SNX18: variants seen among roughly 807,000 people sequenced by gnomAD.
SNX18 encodes sorting nexin 18, also known as sorting nexin-18.
In SNX18, 35 loss-of-function variants were observed where a neutral mutation model predicts 48.7. The ratio of observed to expected loss-of-function variants is 0.72; its 90% confidence interval spans 0.55 to 0.95. SNX18 has a LOEUF of 0.95. Ranked by LOEUF, SNX18 falls within the 40% of genes least tolerant of loss-of-function variation. The pLI, the probability that SNX18 is intolerant of heterozygous loss-of-function variation, is 0.00. For missense variants in SNX18, 824 were observed against 871.0 expected, an observed-to-expected ratio of 0.95 and a Z score of 0.68; for synonymous variants, 492 against 384.7, an observed-to-expected ratio of 1.28 and a Z score of -3.26.
chr5:54,615,497 G>C, the SNX18 span, among the ~76,000 whole-genome samples: 1 of 152,212 alleles, frequency 6.6e-6, no homozygotes, highest in Non-Finnish European at 1.5e-5. Context: ...TTCCCAGTCT[G>C]ATAGACAGAC....
At chr5:54,632,880 T>C in the SNX18 span, among the ~76,000 whole-genome samples, 83 of 152,222 alleles carry the variant, frequency 5.5e-4, no homozygotes, top group African/African-American at 2.0e-3. Flanking sequence ...GTTCAAGTGA[T>C]TCTCCTGCCT....
At position 54,544,317 on chromosome 5, in the gene SNX18, T is replaced by C. The variant is rs1412988305; in HGVS notation, c.*885T>C. The C allele has an allele frequency of 3.3e-5, 5 of 152,122 alleles. No individual in the cohort carries two copies. The highest frequency in any genetic ancestry group is 1.2e-4 in the African/African-American group (5 of 41,422). The allele number at this position is 152,122 out of a possible 1,614,324, so 9.4% of individuals were successfully genotyped here. ...GTCAGGGGATAAAAGTATCGAATCATTGACAACACACACTTGGCTTTAGTT... is the reference window on the plus strand; with the variant it reads ...GTCAGGGGATAAAAGTATCGAATCACTGACAACACACACTTGGCTTTAGTT... On this transcript the variant is annotated 3_prime_UTR_variant, in exon 2 of 2. Transcript: ENST00000381410.
At chr5:54,590,841 C>T in the SNX18 span, among the ~76,000 whole-genome samples, 2 of 152,126 alleles carry the variant, frequency 1.3e-5, no homozygotes, top group Admixed American at 1.3e-4. Flanking sequence ...TCCTGAGCTC[C>T]ATGAGGGCAG....
the SNX18 span, among the ~76,000 whole-genome samples, chr5:54,585,821 G>A: frequency 6.6e-6 from 1 of 151,932 alleles, no homozygotes; most frequent in Non-Finnish European, 1.5e-5. Context: ...GGCTAACATG[G>A]TGAAACCCCG....
intron 1 of SNX18, among the ~76,000 whole-genome samples, chr5:54,525,245 T>C (rs1762109838): frequency 6.6e-6 from 1 of 152,122 alleles, no homozygotes; most frequent in African/African-American, 2.4e-5. Context: ...TGGGTGAATT[T>C]AAAAGGAGAT....
chr5:54,616,701 C>T, the SNX18 span, among the ~76,000 whole-genome samples: 2 of 151,588 alleles, frequency 1.3e-5, no homozygotes, highest in Admixed American at 6.6e-5. Context: ...TCCAGGAGGC[C>T]GATATGGCAG....
the SNX18 span, among the ~76,000 whole-genome samples, chr5:54,617,885 G>A: frequency 1.3e-5 from 2 of 152,126 alleles, no homozygotes; most frequent in Non-Finnish European, 2.9e-5. Context: ...TCTGTTAATA[G>A]TCCTATCTTT....
At chr5:54,589,849 CAG>C in the SNX18 span, among the ~76,000 whole-genome samples, 4 of 152,338 alleles carry the variant, frequency 2.6e-5, no homozygotes, top group South Asian at 6.2e-4. Flanking sequence ...TTGTTTGAGA[CAG>C]AGTCTTGCTC....
chr5:54,641,494 G>A, the SNX18 span, among the ~76,000 whole-genome samples: 1 of 152,084 alleles, frequency 6.6e-6, no homozygotes, highest in Non-Finnish European at 1.5e-5. Flanking sequence ...ATTCTGCCAG[G>A]AGTGGTGGAG....
chr5:54,586,219 T>TA, the SNX18 span, among the ~76,000 whole-genome samples: 1 of 152,178 alleles, frequency 6.6e-6, no homozygotes, highest in Non-Finnish European at 1.5e-5. Flanking sequence ...TGTTTTCCTT[T>TA]ACCTTGGACT....
chr5:54,518,207 C>T lies in SNX18; in HGVS notation c.255C>T (p.Gly85=). 7.1e-7 allele frequency: 1 copy of T among 1,399,456 alleles called. No homozygotes were observed. Among genetic ancestry groups the T allele is most frequent in the Non-Finnish European group, 9.2e-7 (1 of 1,086,530 alleles). 86.7% of individuals were successfully genotyped at this position (1,399,456 alleles called of 1,614,324 possible). ...PARYANVPPG[G]FEPLPVAPPA... is the part of the protein sequence containing the mutation. ...GCTACGCCAATGTGCCCCCCGGGGG[C>T]TTCGAGCCCCTGCCTGTCGCGCCCC... Residue 85 remains glycine (G), a synonymous_variant, in exon 1 of 2, where the codon GGC becomes GGT. Coordinates refer to ENST00000381410, the MANE Select transcript of SNX18 (RefSeq NM_001102575.2).
At chr5:54,600,619 A>C in the SNX18 span, among the ~76,000 whole-genome samples, 5 of 152,254 alleles carry the variant, frequency 3.3e-5, no homozygotes, top group East Asian at 9.6e-4. Flanking sequence ...AAAATGTGGT[A>C]TAAATATACC....
chr5:54,583,180 T>G, the SNX18 span, among the ~76,000 whole-genome samples: 1 of 152,198 alleles, frequency 6.6e-6, no homozygotes, highest in Non-Finnish European at 1.5e-5. Flanking sequence ...TTAAGCTATG[T>G]TTCTCAGGCT....
the SNX18 span, among the ~76,000 whole-genome samples, chr5:54,585,544 C>T: frequency 6.6e-6 from 1 of 151,944 alleles, no homozygotes; most frequent in Admixed American, 6.6e-5. Context: ...ATGGGACTTC[C>T]CCTGAGTTAG....
rs773723805 is a variant in SNX18 at position 54,543,209 on chromosome 5, G to A, written c.1652G>A (p.Arg551Gln). Residue 551 changes from arginine (R) to glutamine (Q), a missense_variant, in exon 2 of 2, where the codon CGA becomes CAA. Coordinates refer to ENST00000381410, the MANE Select transcript of SNX18 (RefSeq NM_001102575.2). ...GALTKVKESR[R>Q]HVEEGKMEVQ... ...CTTACCAAAGTCAAGGAGAGTAGGC[G>A]ACACGTGGAGGAAGGGAAGATGGAG... The A allele has an allele frequency of 2.5e-6, 4 of 1,613,964 alleles. No individual in the cohort carries two copies. Among genetic ancestry groups the A allele is most frequent in the African/African-American group, 1.3e-5 (1 of 74,978 alleles).
chr5:54,599,224 A>G, the SNX18 span, among the ~76,000 whole-genome samples: 8 of 152,298 alleles, frequency 5.3e-5, no homozygotes, highest in East Asian at 1.5e-3. Context: ...ATCCTTTTCA[A>G]TTCACAATTG....
the SNX18 span, among the ~76,000 whole-genome samples, chr5:54,622,126 A>T: frequency 6.6e-6 from 1 of 152,376 alleles, no homozygotes; most frequent in South Asian, 2.1e-4. Flanking sequence ...TTTATTTGTG[A>T]GAATATTTTG....
intron 1 of SNX18, among the ~76,000 whole-genome samples, chr5:54,530,927 AT>A (rs1172717787): frequency 7.9e-5 from 12 of 151,118 alleles, no homozygotes; most frequent in African/African-American, 2.4e-4. Flanking sequence ...AATTTTTTGT[AT>A]TTTTAGTAGA....
the SNX18 span, among the ~76,000 whole-genome samples, chr5:54,606,640 T>C: frequency 6.6e-6 from 1 of 152,214 alleles, no homozygotes; most frequent in Non-Finnish European, 1.5e-5. Context: ...GCAATTTTCA[T>C]GGAGATAATT....
Sources: allele counts gnomAD v4.1 joint callset (sites outside exome capture counted in the v4.1 genomes callset), GRCh38; gene constraint gnomAD v4.1.1; transcripts MANE v1.5; gene names NCBI Gene and HGNC (gene_info 2026-07-23, HGNC 2026-07-21).